COL22A1: variants seen among roughly 807,000 people sequenced by gnomAD.
COL22A1 encodes the protein collagen type XXII alpha 1 chain.
In COL22A1, 221 loss-of-function variants were observed where a neutral mutation model predicts 248.9. The ratio of observed to expected loss-of-function variants is 0.89; its 90% CI spans 0.80 to 0.99. The LOEUF is 0.99. Ranked by LOEUF, COL22A1 falls within the 50% of genes least tolerant of loss-of-function variation. The pLI, the probability that COL22A1 is intolerant of heterozygous loss-of-function variation, is 0.00. For synonymous variants in COL22A1, 891 were observed against 793.4 expected (o/e 1.12, Z -2.07); for missense variants, 2,240 against 2,179.0 (o/e 1.03, Z -0.56).
chr8:138,685,291 T>A lies in COL22A1; in HGVS notation c.2884A>T (p.Ser962Cys), dbSNP rs1200103822. ...GEKGAAGEEG[S>C]PGPVGPRGDP... ...CCCCTGGGACCAACTGGCCCTGGGC[T>A]GCCTTCTTCCCCCGCTGCACCCTGG... Residue 962 changes from serine to cysteine, a missense_variant, in exon 38 of 65, where the codon AGC (serine) becomes TGC (cysteine). Ser to Cys is a moderately radical substitution (Grantham distance 112). Coordinates refer to ENST00000303045, the MANE Select transcript of COL22A1 (RefSeq NM_152888.3). 6.2e-7 allele frequency: 1 copy of A among 1,613,912 alleles called. No individual in the cohort carries two copies. The highest frequency in any genetic ancestry group is 1.7e-5 in the Admixed American group (1 of 59,990).
intron 3 of COL22A1, among the ~76,000 whole-genome samples, chr8:138,851,290 G>T (rs1229908872): frequency 2.0e-5 from 3 of 152,196 alleles, no homozygotes; most frequent in African/African-American, 7.2e-5. Context: ...GCCTGGAGAG[G>T]CTTCGCTTAT....
chr8:138,789,777 C>G (rs985597483), intron 12 of COL22A1, among the ~76,000 whole-genome samples: 4 of 152,222 alleles, frequency 2.6e-5, no homozygotes, highest in African/African-American at 9.6e-5. Context: ...AGCTCTGTCA[C>G]CTTGGCCATG....
chr8:138,864,014 G>T (rs1402784432), intron 3 of COL22A1, among the ~76,000 whole-genome samples: 3 of 152,092 alleles, frequency 2.0e-5, no homozygotes, highest in Non-Finnish European at 4.4e-5. Context: ...AAGAAAAACA[G>T]CAATGCCGCT....
At chr8:138,636,644 AAGAAG>A (rs780211665) in intron 48 of COL22A1, 93 bp downstream of exon 48, 1 of 893,144 alleles carries the variant, frequency 1.1e-6, no homozygotes. Flanking sequence ...GCTACAGGCA[AAGAAG>A]AGACAAGGAA....
intron 12 of COL22A1, among the ~76,000 whole-genome samples, chr8:138,782,381 C>A (rs562423843): frequency 6.6e-6 from 1 of 152,184 alleles, no homozygotes; most frequent in Non-Finnish European, 1.5e-5. Flanking sequence ...CCACATCTGG[C>A]GAATTTTTGT....
rs181767197 is a variant in COL22A1, at chr8:138,769,628, T to A, written c.1803+6338A>T. ...ATGAGCCCTGGAGCTACCCACGGAC[T>A]TGGTACCTGAGATCTCGAGCTGCCA... On this transcript the variant is annotated intron_variant, in intron 16 of 64. Transcript: ENST00000303045. Among the ~76,000 whole-genome samples, 229 of 152,268 alleles carry A rather than the reference T, an allele frequency of 1.5e-3. 1 individual carries two copies. The highest frequency in any genetic ancestry group is 5.2e-3 in the African/African-American group (215 of 41,576).
intron 22 of COL22A1, among the ~76,000 whole-genome samples, chr8:138,743,549 A>C (rs899511144): frequency 2.0e-5 from 3 of 152,040 alleles, no homozygotes; most frequent in Non-Finnish European, 4.4e-5. Context: ...GATAGTGGCA[A>C]CTCTAGTAAA....
chr8:138,721,498 A>T (rs1324927903), intron 26 of COL22A1, among the ~76,000 whole-genome samples: 1 of 152,260 alleles, frequency 6.6e-6, no homozygotes, highest in Non-Finnish European at 1.5e-5. Flanking sequence ...CCACCAGAAC[A>T]TTGTTAAAAT....
chr8:138,600,909 A>G (rs1471273544), intron 60 of COL22A1, among the ~76,000 whole-genome samples: 2 of 152,196 alleles, frequency 1.3e-5, no homozygotes, highest in African/African-American at 2.4e-5. Flanking sequence ...TTTTCTATTC[A>G]TTAAATATCT....
At chr8:138,649,326 C>T (rs947524009) in intron 46 of COL22A1, among the ~76,000 whole-genome samples, 2 of 152,078 alleles carry the variant, frequency 1.3e-5, no homozygotes, top group African/African-American at 4.8e-5. Flanking sequence ...ATCTTGGTGC[C>T]TATTACATAG....
At chr8:138,715,777 C>T (rs777488592) in intron 29 of COL22A1, 42 bp from the exon 30 acceptor site, 17 of 1,424,306 alleles carry the variant, frequency 1.2e-5, no homozygotes, top group African/African-American at 2.9e-5. Context: ...GAACCCAAAC[C>T]GAGCTGAATT....
At chr8:138,616,807 C>T in intron 54 of COL22A1, 107 bp downstream of exon 54, 3 of 1,311,932 alleles carry the variant, frequency 2.3e-6, no homozygotes, top group South Asian at 1.2e-5. Context: ...TCCACGTCCT[C>T]TCTCGGGTAA....
At chr8:138,734,164 A>T (rs572180346) in intron 23 of COL22A1, among the ~76,000 whole-genome samples, 1 of 152,266 alleles carries the variant, frequency 6.6e-6, no homozygotes, top group African/African-American at 2.4e-5. Flanking sequence ...CCATCCATGG[A>T]AACTGTGAGG....
intron 4 of COL22A1, among the ~76,000 whole-genome samples, chr8:138,835,747 C>T (rs1820381882): frequency 6.6e-6 from 1 of 152,208 alleles, no homozygotes; most frequent in African/African-American, 2.4e-5. Flanking sequence ...TGACTGAAGT[C>T]CTACAAATGA....
At chr8:138,804,718 G>A (rs1463950269) in intron 10 of COL22A1, among the ~76,000 whole-genome samples, 1 of 151,724 alleles carries the variant, frequency 6.6e-6, no homozygotes, top group East Asian at 1.9e-4. Context: ...GAGTGTGATG[G>A]TGTGTGTGAT....
Position 138,877,975 on chromosome 8 carries a change from C to G in COL22A1, c.433G>C (p.Val145Leu). The G allele has an allele frequency of 6.3e-7, 1 of 1,591,826 alleles. No individual in the cohort carries two copies. Among genetic ancestry groups the G allele is most frequent in the Non-Finnish European group, 8.6e-7 (1 of 1,169,178 alleles). ...GRPRDRAYKQ[V>L]AILLTDGRSQ... is the part of the protein sequence containing the mutation. ...CGGCCGTCGGTGAGCAGGATGGCCA[C>G]CTGCTTGTAGGCGCGGTCCCTGGGG... is the stretch of plus-strand genomic sequence containing the variant. Residue 145 changes from valine to leucine, a missense_variant, in exon 3 of 65, where the codon GTG (valine) becomes CTG (leucine). Transcript: ENST00000303045.
chr8:138,608,646 C>A (rs1029946907), intron 56 of COL22A1, among the ~76,000 whole-genome samples: 1 of 152,192 alleles, frequency 6.6e-6, no homozygotes, highest in African/African-American at 2.4e-5. Flanking sequence ...ATTTAACAAA[C>A]AGGATCCCAG....
intron 2 of COL22A1, among the ~76,000 whole-genome samples, chr8:138,882,282 A>T (rs1824269135): frequency 6.6e-6 from 1 of 151,764 alleles, no homozygotes; most frequent in African/African-American, 2.4e-5. Flanking sequence ...CCTCACATTA[A>T]CACTCACATG....
chr8:138,725,450 A>G lies in COL22A1; in HGVS notation c.2140-10T>C, dbSNP rs746942769. On this transcript the variant is annotated splice_polypyrimidine_tract_variant and intron_variant, in intron 23 of 64. Transcript: ENST00000303045. ...GGGGTCCTGGAGGGCCCTGTAGAGA[A>G]AGAGCATTTGGTGGGCTACAGATGG... 2 of 1,612,482 alleles carry G rather than the reference A, an allele frequency of 1.2e-6. No homozygotes were observed. The highest frequency in any genetic ancestry group is 1.7e-6 in the Non-Finnish European group (2 of 1,179,454).
Sources: gnomAD v4.1 joint callset for allele counts (sites outside exome capture counted in the v4.1 genomes callset) on GRCh38, gnomAD v4.1.1 for gene constraint, MANE v1.5 for transcripts, NCBI Gene and HGNC (gene_info 2026-07-23, HGNC 2026-07-21) for gene names.